The following UBE2H variants were observed in gnomAD, a reference collection of about 807,000 sequenced individuals.
UBE2H encodes the protein ubiquitin-conjugating enzyme E2 H.
Under a neutral mutation model 29.0 loss-of-function variants are expected in UBE2H, and 3 were observed. That is an observed-to-expected ratio of 0.10 (90% CI 0.05 to 0.27). The LOEUF (loss-of-function observed/expected upper bound fraction) is 0.27. Among genes scored for constraint, UBE2H ranks in the 10% least tolerant of loss-of-function variants. The pLI is 1.00. For synonymous variants in UBE2H, 69 were observed against 82.9 expected, an observed-to-expected ratio of 0.83 and a Z score of 0.91; for missense variants, 68 against 228.2, an observed-to-expected ratio of 0.30 and a Z score of 4.52.
At chr7:129,842,987 A>T (rs1292618393) in intron 5 of UBE2H, among the ~76,000 whole-genome samples, 2 of 151,854 alleles carry the variant, frequency 1.3e-5, no homozygotes, top group East Asian at 3.9e-4. Flanking sequence ...CAATAGTTAC[A>T]TTAACAGTAA....
chr7:129,868,998 G>A (rs573193233), intron 3 of UBE2H, among the ~76,000 whole-genome samples: 144 of 150,132 alleles, frequency 9.6e-4, no homozygotes, highest in Non-Finnish European at 1.5e-3. Context: ...GTGCAATGGC[G>A]CGATCTCGGC....
intron 1 of UBE2H, among the ~76,000 whole-genome samples, chr7:129,923,739 T>G (rs1014581516): frequency 6.6e-6 from 1 of 152,208 alleles, no homozygotes; most frequent in African/African-American, 2.4e-5. Context: ...TTATTTGAAA[T>G]AATTCTCACA....
chr7:129,851,241 A>G (rs1563022056), intron 5 of UBE2H, among the ~76,000 whole-genome samples: 1 of 152,166 alleles, frequency 6.6e-6, no homozygotes, highest in East Asian at 1.9e-4. Context: ...TCTCAAAACA[A>G]TTCTCGTCTA....
intron 1 of UBE2H, among the ~76,000 whole-genome samples, chr7:129,885,329 G>A (rs1362768735): frequency 6.6e-6 from 1 of 152,214 alleles, no homozygotes; most frequent in African/African-American, 2.4e-5. Context: ...ATCCACAGAT[G>A]CAGCATTCTC....
intron 3 of UBE2H, among the ~76,000 whole-genome samples, chr7:129,867,725 A>AAAAAAAAAAAAAAAAAAAAAAAAAC (rs1805940520): frequency 4.4e-5 from 2 of 45,250 alleles, no homozygotes; most frequent in Admixed American, 2.3e-4. Context: ...AAAGAAAACC[A>AAAAAAAAAAAAAAAAAAAAAAAAAC]AAAAAAAAAA....
intron 1 of UBE2H, among the ~76,000 whole-genome samples, chr7:129,924,618 A>T (rs1319596319): frequency 1.5e-5 from 2 of 137,086 alleles, no homozygotes; most frequent in African/African-American, 6.2e-5. Flanking sequence ...TTTTACATTC[A>T]CACACACACA....
chr7:129,883,836 C>T (rs533553304), intron 1 of UBE2H, among the ~76,000 whole-genome samples: 4 of 150,984 alleles, frequency 2.6e-5, no homozygotes, highest in South Asian at 4.2e-4. Context: ...AGTGAGACTC[C>T]GTCTCAAAAA....
chr7:129,939,797 A>C (rs1807603820), intron 1 of UBE2H, among the ~76,000 whole-genome samples: 1 of 151,966 alleles, frequency 6.6e-6, no homozygotes, highest in African/African-American at 2.4e-5. Context: ...ATCTCTACTA[A>C]AGATACAAAA....
At chr7:129,951,633 A>T (rs77225118) in intron 1 of UBE2H, among the ~76,000 whole-genome samples, 2,051 of 152,292 alleles carry the variant, frequency 0.013, 47 homozygotes, top group African/African-American at 0.047. Flanking sequence ...TCCAGAGTGC[A>T]TAAAGTTGGG....
At chr7:129,894,648 C>T (rs1308182848) in intron 1 of UBE2H, among the ~76,000 whole-genome samples, 3 of 151,826 alleles carry the variant, frequency 2.0e-5, no homozygotes, top group Non-Finnish European at 2.9e-5. Context: ...CCACCATACC[C>T]GGCTAATTTT....
rs138166665 is a variant in UBE2H, at chr7:129,904,657, C to T, written c.54-23686G>A. On this transcript the variant is annotated intron_variant, in intron 1 of 6. Coordinates refer to ENST00000355621, the MANE Select transcript of UBE2H (RefSeq NM_003344.4). ...TGACATGTAGCTGAGTGACTAGCCT[C>T]GGCTACGTGTCAGTGGATGCTCAAC... is the stretch of plus-strand genomic sequence containing the variant. Among the ~76,000 whole-genome samples, 60 of 152,298 alleles carry T rather than the reference C, an allele frequency of 3.9e-4. No individual in the cohort carries two copies. The East Asian group carries it at 8.9e-3, about 22-fold the overall frequency.
intron 3 of UBE2H, among the ~76,000 whole-genome samples, chr7:129,863,686 A>G (rs144750669): frequency 1.1e-3 from 166 of 152,152 alleles, no homozygotes; most frequent in African/African-American, 3.6e-3. Context: ...AAACCCTCTG[A>G]CTCTTCTAAA....
intron 3 of UBE2H, among the ~76,000 whole-genome samples, chr7:129,871,713 C>CAAAAAAAAA (rs369901584): frequency 8.0e-6 from 1 of 124,398 alleles, no homozygotes; most frequent in Admixed American, 8.0e-5. Context: ...GACTCTGTAT[C>CAAAAAAAAA]AAAAAAAAAA....
chr7:129,878,422 G>A (rs748556218), intron 3 of UBE2H, among the ~76,000 whole-genome samples: 26 of 151,748 alleles, frequency 1.7e-4, no homozygotes, highest in Non-Finnish European at 5.9e-5. Flanking sequence ...AATGGCTCAC[G>A]CCTGTAATTC....
intron 1 of UBE2H, among the ~76,000 whole-genome samples, chr7:129,941,087 C>T (rs899158201): frequency 7.2e-5 from 11 of 152,044 alleles, no homozygotes; most frequent in African/African-American, 1.7e-4. Flanking sequence ...CCCAAGTAGC[C>T]GGGACTACAG....
intron 5 of UBE2H, among the ~76,000 whole-genome samples, chr7:129,842,370 G>A (rs950898916): frequency 6.6e-6 from 1 of 152,140 alleles, no homozygotes; most frequent in African/African-American, 2.4e-5. Context: ...GGTGGAGGTT[G>A]CAGTGAGCCA....
chr7:129,879,575 T>G lies in UBE2H; in HGVS notation c.198A>C (p.Pro66=). Residue 66 remains proline, a synonymous_variant, in exon 3 of 7, where the codon CCA becomes CCC. Coordinates refer to ENST00000355621, the MANE Select transcript of UBE2H (RefSeq NM_003344.4). ...DLPDKYPFKS[P]SIGFMNKIFH... ...AACCAAGTAGTAACATACCTATAGA[T>G]GGAGATTTGAAAGGGTATTTATCAG... The G allele has an allele frequency of 1.9e-6, 3 of 1,612,042 alleles. No homozygotes were observed. The highest frequency in any genetic ancestry group is 2.5e-6 in the Non-Finnish European group (3 of 1,179,250).
intron 1 of UBE2H, chr7:129,949,052 G>A (rs921577520): frequency 2.2e-6 from 1 of 456,458 alleles, no homozygotes; most frequent in African/African-American, 2.0e-5. Context: ...GCGGCCTTTT[G>A]CCTGCATACG....
intron 1 of UBE2H, among the ~76,000 whole-genome samples, chr7:129,913,145 G>C (rs1377204505): frequency 6.6e-6 from 1 of 151,536 alleles, no homozygotes; most frequent in Admixed American, 6.6e-5. Flanking sequence ...CCAGCTACTC[G>C]GGAGGCTGAG....
Sources: allele counts gnomAD v4.1 joint callset (sites outside exome capture counted in the v4.1 genomes callset), GRCh38; gene constraint gnomAD v4.1.1; transcripts MANE v1.5; gene names NCBI Gene and HGNC (gene_info 2026-07-23, HGNC 2026-07-21).